PRKAR1A: variants seen among roughly 807,000 people sequenced by gnomAD.
The protein encoded by PRKAR1A is cAMP-dependent protein kinase type I-alpha regulatory subunit.
In PRKAR1A, 3 loss-of-function variants were observed where a neutral mutation model predicts 52.0. That is an observed-to-expected ratio of 0.06 (90% CI 0.03 to 0.15). The LOEUF is 0.15. Among genes scored for constraint, PRKAR1A ranks in the 10% least tolerant of loss-of-function variants. The pLI, the probability that PRKAR1A is intolerant of heterozygous loss-of-function variation, is 1.00. For missense variants in PRKAR1A, 240 were observed against 477.4 expected, an observed-to-expected ratio of 0.50 and a Z score of 4.63; for synonymous variants, 188 against 168.4, an observed-to-expected ratio of 1.12 and a Z score of -0.90.
the PRKAR1A span, chr17:68,457,341 C>A: frequency 5.8e-6 from 9 of 1,545,658 alleles, no homozygotes; most frequent in Non-Finnish European, 7.9e-6. Flanking sequence ...TCGCAGCTTA[C>A]GTGCAGTCCT....
the PRKAR1A span, among the ~76,000 whole-genome samples, chr17:68,419,043 A>G: frequency 4.7e-5 from 7 of 149,238 alleles, no homozygotes; most frequent in African/African-American, 1.7e-4. Flanking sequence ...AAGTCATCGG[A>G]ATCATAAAGA....
the PRKAR1A span, among the ~76,000 whole-genome samples, chr17:68,471,920 C>A: frequency 2.0e-5 from 3 of 152,134 alleles, no homozygotes; most frequent in Non-Finnish European, 2.9e-5. Flanking sequence ...CCTGCCTCAG[C>A]CTCCCGAGTA....
chr17:68,469,603 C>CTT, the PRKAR1A span, among the ~76,000 whole-genome samples: 14 of 147,112 alleles, frequency 9.5e-5, no homozygotes, highest in Non-Finnish European at 1.8e-4. Context: ...CATGAATGTC[C>CTT]TTTTTTTTTT....
the PRKAR1A span, among the ~76,000 whole-genome samples, chr17:68,430,959 A>C: frequency 2.0e-5 from 3 of 152,130 alleles, no homozygotes; most frequent in African/African-American, 7.2e-5. Flanking sequence ...CCAATGGGCT[A>C]GGGGGTCTTT....
the PRKAR1A span, among the ~76,000 whole-genome samples, chr17:68,450,163 C>CAA: frequency 0.011 from 1,649 of 151,890 alleles, 24 homozygotes; most frequent in African/African-American, 0.031. Context: ...GAAAATGCTA[C>CAA]AAAAAAAACA....
chr17:68,538,647 C>T (rs2086166086), intron 11 of PRKAR1A, among the ~76,000 whole-genome samples: 1 of 152,120 alleles, frequency 6.6e-6, no homozygotes, highest in African/African-American at 2.4e-5. Flanking sequence ...CAGGGTTTTG[C>T]TTAGATGGTG....
the PRKAR1A span, among the ~76,000 whole-genome samples, chr17:68,505,223 G>A: frequency 2.6e-4 from 39 of 152,242 alleles, no homozygotes; most frequent in Admixed American, 5.9e-4. Context: ...GCTTGAGCCC[G>A]GAGGTTGCAG....
the PRKAR1A span, among the ~76,000 whole-genome samples, chr17:68,472,815 A>G: frequency 4.0e-5 from 6 of 149,196 alleles, no homozygotes; most frequent in African/African-American, 1.5e-4. Context: ...GCGTGGTGGC[A>G]TGCCACTGTA....
rs146291819 is a variant in PRKAR1A, at chr17:68,545,722, T to C, written c.974-5362T>C. Among the ~76,000 whole-genome samples the C allele has an allele frequency of 1.2e-3, 183 of 152,358 alleles. 4 individuals are homozygous for C. In the East Asian group the frequency reaches 0.033, roughly 27 times the overall value. ...CCCAAAGTAGAACTTCTGTCAAAAT[T>C]GAAGTCAGTCCTCTCAAACCCTGCT... is the stretch of plus-strand genomic sequence containing the variant. On this transcript the variant is annotated intron_variant, in intron 11 of 11. Transcript: ENST00000585981.
the PRKAR1A span, chr17:68,426,250 G>GGGGGGGGT: frequency 9.7e-6 from 8 of 828,054 alleles, 1 homozygote; most frequent in South Asian, 5.3e-5. Flanking sequence ...GGTGGGGAGC[G>GGGGGGGGT]GGGGCTCAAA....
chr17:68,424,041 G>A, the PRKAR1A span, among the ~76,000 whole-genome samples: 2 of 152,092 alleles, frequency 1.3e-5, no homozygotes, highest in East Asian at 1.9e-4. Context: ...TGGAAGCCTC[G>A]ACTTCAGGTA....
the PRKAR1A span, among the ~76,000 whole-genome samples, chr17:68,418,912 C>G: frequency 2.0e-5 from 3 of 151,704 alleles, no homozygotes; most frequent in Non-Finnish European, 4.4e-5. Flanking sequence ...TGTTTAGGAA[C>G]TCTTGTAATT....
At chr17:68,470,991 A>G in the PRKAR1A span, among the ~76,000 whole-genome samples, 1 of 152,242 alleles carries the variant, frequency 6.6e-6, no homozygotes. Flanking sequence ...CTCAGAAACA[A>G]TGAAGAGTTC....
At chr17:68,438,779 T>G in the PRKAR1A span, among the ~76,000 whole-genome samples, 1 of 152,212 alleles carries the variant, frequency 6.6e-6, no homozygotes, top group East Asian at 1.9e-4. Context: ...TTTTGTATTT[T>G]CAGTAGAGAC....
intron 11 of PRKAR1A, among the ~76,000 whole-genome samples, chr17:68,544,221 G>T (rs2086443776): frequency 6.8e-6 from 1 of 147,760 alleles, no homozygotes; most frequent in African/African-American, 2.5e-5. Context: ...GTCTTAGGGG[G>T]ATGTGGGGGA....
the PRKAR1A span, among the ~76,000 whole-genome samples, chr17:68,434,233 C>T: frequency 9.2e-5 from 14 of 152,166 alleles, no homozygotes; most frequent in Non-Finnish European, 1.6e-4. Context: ...CACTTTACAT[C>T]GTCCTTTATT....
At chr17:68,486,121 A>G in the PRKAR1A span, among the ~76,000 whole-genome samples, 1 of 152,150 alleles carries the variant, frequency 6.6e-6, no homozygotes, top group South Asian at 2.1e-4. Context: ...GAAAGAAGAC[A>G]TTCTCCCAGC....
the PRKAR1A span, among the ~76,000 whole-genome samples, chr17:68,445,697 G>A: frequency 3.9e-5 from 6 of 152,196 alleles, no homozygotes; most frequent in Non-Finnish European, 5.9e-5. Flanking sequence ...TTGATGTATC[G>A]GGTGTTTAAA....
At chr17:68,551,128 A>G in exon 12 of PRKAR1A, 2 of 1,234,178 alleles carry the variant, frequency 1.6e-6, no homozygotes, top group Non-Finnish European at 2.0e-6. Context: ...GGGCTAAGGC[A>G]CTGGGGCCGA....
Sources: allele counts gnomAD v4.1 joint callset (sites outside exome capture counted in the v4.1 genomes callset), GRCh38; gene constraint gnomAD v4.1.1; transcripts MANE v1.5; gene names NCBI Gene and HGNC (gene_info 2026-07-23, HGNC 2026-07-21).